CTNND2: variants seen among roughly 807,000 people sequenced by gnomAD.
The protein encoded by CTNND2 is catenin delta-2.
A neutral mutation model predicts 144.4 loss-of-function variants in CTNND2; 22 were observed. That is an observed-to-expected ratio of 0.15 (90% CI 0.11 to 0.22). The LOEUF (loss-of-function observed/expected upper bound fraction) is 0.22, where lower values mean the gene tolerates loss of function less well. Ranked by LOEUF, CTNND2 falls within the 10% of genes least tolerant of loss-of-function variation. The probability of loss-of-function intolerance (pLI) is 1.00; values close to 1 mark genes in which losing one functional copy is unlikely to be tolerated. For missense variants in CTNND2, 1,353 were observed against 1,618.8 expected, an observed-to-expected ratio of 0.84 and a Z score of 2.82; for synonymous variants, 751 against 695.6, an observed-to-expected ratio of 1.08 and a Z score of -1.25.
At chr5:11,718,198 C>T (rs1368039035) in intron 2 of CTNND2, among the ~76,000 whole-genome samples, 1 of 152,054 alleles carries the variant, frequency 6.6e-6, no homozygotes, top group African/African-American at 2.4e-5. Flanking sequence ...CCATTGAATC[C>T]AAAAGAAGGA....
intron 16 of CTNND2, among the ~76,000 whole-genome samples, chr5:11,073,755 T>TTACAG (rs1748605581): frequency 6.6e-6 from 1 of 152,174 alleles, no homozygotes; most frequent in Admixed American, 6.5e-5. Context: ...AGGCACCTAA[T>TTACAG]CTGAAGATAC....
At chr5:11,807,069 A>G (rs4418100) in intron 1 of CTNND2, among the ~76,000 whole-genome samples, 12,954 of 152,150 alleles carry the variant, frequency 0.085, 1,620 homozygotes, top group African/African-American at 0.27. Flanking sequence ...ATCAATGCTT[A>G]TATCACCCCT....
chr5:11,600,009 A>T (rs1779701310), intron 2 of CTNND2, among the ~76,000 whole-genome samples: 1 of 152,198 alleles, frequency 6.6e-6, no homozygotes, highest in Admixed American at 6.5e-5. Context: ...GAGACCACAA[A>T]TGGTCTTTAT....
intron 1 of CTNND2, among the ~76,000 whole-genome samples, chr5:11,834,634 A>G (rs1299945882): frequency 6.6e-6 from 1 of 152,206 alleles, no homozygotes; most frequent in East Asian, 1.9e-4. Context: ...GAATACACAA[A>G]CACCTATATT....
chr5:11,283,598 T>A (rs1166300785), intron 9 of CTNND2, among the ~76,000 whole-genome samples: 2 of 132,468 alleles, frequency 1.5e-5, no homozygotes, highest in African/African-American at 5.7e-5. Context: ...CACTTGAACC[T>A]GGGAGGCGGA....
At chr5:11,322,635 CT>C (rs963118493) in intron 9 of CTNND2, among the ~76,000 whole-genome samples, 2 of 151,982 alleles carry the variant, frequency 1.3e-5, no homozygotes, top group African/African-American at 4.8e-5. Flanking sequence ...GTTATGTAAG[CT>C]TTTTTTCATT....
At chr5:11,281,515 C>A (rs893218390) in intron 9 of CTNND2, among the ~76,000 whole-genome samples, 1 of 152,200 alleles carries the variant, frequency 6.6e-6, no homozygotes, top group African/African-American at 2.4e-5. Flanking sequence ...CATTTGTGGA[C>A]TGAATCTGTT....
intron 2 of CTNND2, among the ~76,000 whole-genome samples, chr5:11,625,389 ATCTCTCTCTC>A (rs57148533): frequency 1.4e-5 from 2 of 140,394 alleles, no homozygotes; most frequent in Admixed American, 7.2e-5. Flanking sequence ...AAACAGAAAA[ATCTCTCTCTC>A]TCTCTCTCTC....
intron 2 of CTNND2, among the ~76,000 whole-genome samples, chr5:11,677,109 T>A (rs1784211220): frequency 6.6e-6 from 1 of 152,236 alleles, no homozygotes; most frequent in Admixed American, 6.5e-5. Context: ...TGTAGTTAAC[T>A]GCAACCTAAC....
intron 2 of CTNND2, among the ~76,000 whole-genome samples, chr5:11,611,076 G>A (rs1385783230): frequency 2.0e-5 from 3 of 152,144 alleles, no homozygotes; most frequent in African/African-American, 7.2e-5. Context: ...TAATCATGCG[G>A]ACAGTTACCC....
chr5:11,809,560 C>G (rs1355591651), intron 1 of CTNND2, among the ~76,000 whole-genome samples: 1 of 152,096 alleles, frequency 6.6e-6, no homozygotes. Context: ...ATGTCATTGT[C>G]AGGGAGAGGA....
chr5:11,105,116 G>A (rs892575962), intron 14 of CTNND2, among the ~76,000 whole-genome samples: 1 of 152,164 alleles, frequency 6.6e-6, no homozygotes, highest in Non-Finnish European at 1.5e-5. Context: ...TCACTGTGAT[G>A]GAACCAACTG....
chr5:11,364,968 A>G, intron 7 of CTNND2, 78 bp from the exon 8 acceptor site: 2 of 1,272,994 alleles, frequency 1.6e-6, no homozygotes, highest in Non-Finnish European at 2.2e-6. Flanking sequence ...ACATATTCAA[A>G]TTTTTTTGGA....
At chr5:11,375,246 C>CA (rs1489687534) in intron 7 of CTNND2, among the ~76,000 whole-genome samples, 7 of 152,284 alleles carry the variant, frequency 4.6e-5, no homozygotes, top group Admixed American at 1.3e-4. Flanking sequence ...CACCAACACT[C>CA]AGAGTGACCT....
At chr5:11,292,638 T>C (rs2150017564) in intron 9 of CTNND2, among the ~76,000 whole-genome samples, 1 of 152,310 alleles carries the variant, frequency 6.6e-6, no homozygotes, top group South Asian at 2.1e-4. Context: ...CTTCCCTTTC[T>C]GCCATGATTG....
At chr5:11,822,758 A>C (rs1221224010) in intron 1 of CTNND2, among the ~76,000 whole-genome samples, 4 of 152,132 alleles carry the variant, frequency 2.6e-5, no homozygotes, top group Non-Finnish European at 5.9e-5. Context: ...TAAAGACCTG[A>C]GTCCAACAAT....
chr5:11,741,475 A>G (rs1482337551), intron 1 of CTNND2, among the ~76,000 whole-genome samples: 2 of 152,072 alleles, frequency 1.3e-5, no homozygotes, highest in South Asian at 4.2e-4. Context: ...AGAACAGAAA[A>G]GCAAACACTG....
rs1476553180 is a variant in CTNND2 at position 11,707,378 on chromosome 5, T to C, written c.174+24758A>G. Among the ~76,000 whole-genome samples the C allele has an allele frequency of 2.0e-5, 3 of 152,180 alleles. No homozygotes were observed. In the East Asian group the frequency reaches 5.8e-4, roughly 29 times the overall value. Reference sequence around the variant, plus strand: ...GACCTAATGATTTTTCTACAGAATATACCCGTTGTCTCCATGCAGAGGCCG... The same window carrying C: ...GACCTAATGATTTTTCTACAGAATACACCCGTTGTCTCCATGCAGAGGCCG... On this transcript the variant is annotated intron_variant, in intron 2 of 21. Transcript: ENST00000304623.
At chr5:11,708,968 C>T (rs1386111571) in intron 2 of CTNND2, among the ~76,000 whole-genome samples, 1 of 152,132 alleles carries the variant, frequency 6.6e-6, no homozygotes, top group African/African-American at 2.4e-5. Flanking sequence ...TTGAGATTCG[C>T]ACAAATTGTC....
Sources: gnomAD v4.1 joint callset for allele counts (sites outside exome capture counted in the v4.1 genomes callset) on GRCh38, gnomAD v4.1.1 for gene constraint, MANE v1.5 for transcripts, NCBI Gene and HGNC (gene_info 2026-07-23, HGNC 2026-07-21) for gene names.